Variants in GPC5 observed in about 807,000 individuals in gnomAD.
The protein encoded by GPC5 is glypican-5.
In GPC5, 47 loss-of-function variants were observed where a neutral mutation model predicts 53.9. The ratio of observed to expected loss-of-function variants is 0.87; its 90% CI spans 0.69 to 1.11. The LOEUF (loss-of-function observed/expected upper bound fraction) is 1.11. Among genes scored for constraint, GPC5 ranks in the 50% most tolerant of loss-of-function variants. The probability of loss-of-function intolerance (pLI) is 0.00; values close to 1 mark genes in which losing one functional copy is unlikely to be tolerated. For missense variants in GPC5, 748 were observed against 713.1 expected (o/e 1.05, Z -0.56); for synonymous variants, 286 against 263.3 (o/e 1.09, Z -0.84).
At chr13:92,733,036 T>C (rs1437787449) in intron 7 of GPC5, among the ~76,000 whole-genome samples, 1 of 151,720 alleles carries the variant, frequency 6.6e-6, no homozygotes, top group Admixed American at 6.6e-5. Context: ...TTGAACAAAA[T>C]GTTCTTACCA....
chr13:91,616,143 A>T (rs2139336670), intron 2 of GPC5, among the ~76,000 whole-genome samples: 1 of 152,254 alleles, frequency 6.6e-6, no homozygotes, highest in African/African-American at 2.4e-5. Context: ...GCCTAGGAAG[A>T]GAGTTTACGG....
intron 7 of GPC5, among the ~76,000 whole-genome samples, chr13:92,174,367 A>C (rs111722364): frequency 0.064 from 3,521 of 54,912 alleles, 117 homozygotes; most frequent in African/African-American, 0.19. Context: ...TAAAAACACA[A>C]AAAAAAAAAC....
At chr13:92,410,286 G>C (rs1202056649) in intron 7 of GPC5, among the ~76,000 whole-genome samples, 1 of 152,172 alleles carries the variant, frequency 6.6e-6, no homozygotes, top group African/African-American at 2.4e-5. Flanking sequence ...CAGGGGCACA[G>C]ATGACAGTTG....
intron 6 of GPC5, among the ~76,000 whole-genome samples, chr13:92,003,710 CTTCTT>C (rs2040578415): frequency 6.6e-6 from 1 of 152,102 alleles, no homozygotes; most frequent in Non-Finnish European, 1.5e-5. Context: ...ATCTAATTCC[CTTCTT>C]TTCTTGGTAA....
intron 2 of GPC5, among the ~76,000 whole-genome samples, chr13:91,640,798 G>GAA (rs528053266): frequency 7.6e-6 from 1 of 132,404 alleles, no homozygotes; most frequent in African/African-American, 2.8e-5. Flanking sequence ...GACTCCTCAG[G>GAA]AAAAAAAAAA....
chr13:91,686,432 T>C (rs1331258794), intron 2 of GPC5, among the ~76,000 whole-genome samples: 1 of 152,028 alleles, frequency 6.6e-6, no homozygotes, highest in Non-Finnish European at 1.5e-5. Context: ...GACTGATTTC[T>C]GCATAACATT....
chr13:91,440,049 A>G (rs1420622890), intron 1 of GPC5, among the ~76,000 whole-genome samples: 2 of 152,008 alleles, frequency 1.3e-5, no homozygotes, highest in African/African-American at 4.8e-5. Context: ...ATTTGACTAT[A>G]GTGTTCTTAG....
At chr13:91,871,147 G>A (rs2039139690) in intron 5 of GPC5, among the ~76,000 whole-genome samples, 1 of 152,182 alleles carries the variant, frequency 6.6e-6, no homozygotes, top group African/African-American at 2.4e-5. Flanking sequence ...TTGACAGCAT[G>A]TCAGTACTCA....
At chr13:91,893,415 G>A (rs1472014876) in intron 5 of GPC5, among the ~76,000 whole-genome samples, 1 of 151,946 alleles carries the variant, frequency 6.6e-6, no homozygotes, top group Non-Finnish European at 1.5e-5. Flanking sequence ...ATATGAGCAG[G>A]CATCTGTCTA....
chr13:92,678,493 A>T (rs1566359748), intron 7 of GPC5, among the ~76,000 whole-genome samples: 1 of 152,230 alleles, frequency 6.6e-6, no homozygotes, highest in African/African-American at 2.4e-5. Flanking sequence ...GATGTAAAAA[A>T]TAACACTGCT....
intron 7 of GPC5, among the ~76,000 whole-genome samples, chr13:92,251,511 G>T (rs1350489018): frequency 2.0e-5 from 3 of 152,022 alleles, no homozygotes; most frequent in Admixed American, 2.0e-4. Flanking sequence ...CCTGAGGTAG[G>T]GGAAAGAGTG....
In GPC5 at chr13:92,451,386, T is replaced by C. The variant is rs553079637; in HGVS notation, c.1561+306397T>C. 2.0e-4 allele frequency among the ~76,000 whole-genome samples: 31 copies of C among 151,924 alleles called. 1 individual carries two copies. Among genetic ancestry groups the C allele is most frequent in the Admixed American group, 8.5e-4 (13 of 15,256 alleles). ...AGGACATCTGTGTAGATTTCTAGCT[T>C]GTGGGGGAGACTTGACCTATTTCCT... On this transcript the variant is annotated intron_variant, in intron 7 of 7. Transcript: ENST00000377067.
At chr13:91,565,351 G>T (rs2031482035) in intron 2 of GPC5, among the ~76,000 whole-genome samples, 1 of 152,168 alleles carries the variant, frequency 6.6e-6, no homozygotes, top group East Asian at 1.9e-4. Context: ...ACAGTTGTTA[G>T]AAAAAATTTG....
intron 6 of GPC5, among the ~76,000 whole-genome samples, chr13:92,095,736 C>T (rs1434073009): frequency 2.6e-5 from 4 of 151,930 alleles, no homozygotes; most frequent in African/African-American, 7.3e-5. Context: ...GGTTTCACCA[C>T]GTTGGTCAGG....
chr13:92,284,438 A>T (rs994000162), intron 7 of GPC5, among the ~76,000 whole-genome samples: 1 of 152,220 alleles, frequency 6.6e-6, no homozygotes, highest in African/African-American at 2.4e-5. Context: ...GCATAACAAA[A>T]AAAAGAGAAT....
intron 7 of GPC5, among the ~76,000 whole-genome samples, chr13:92,749,034 T>C (rs1043494647): frequency 6.6e-6 from 1 of 152,208 alleles, no homozygotes; most frequent in African/African-American, 2.4e-5. Context: ...ACTTGAATCA[T>C]TGTTTGTAGG....
At chr13:92,077,312 T>C (rs187410871) in intron 6 of GPC5, among the ~76,000 whole-genome samples, 80 of 152,328 alleles carry the variant, frequency 5.3e-4, no homozygotes, top group African/African-American at 1.9e-3. Context: ...TGACTCTTCA[T>C]CAACACCTGT....
intron 7 of GPC5, among the ~76,000 whole-genome samples, chr13:92,779,262 C>A (rs1226724440): frequency 6.6e-6 from 1 of 152,030 alleles, no homozygotes; most frequent in African/African-American, 2.4e-5. Context: ...GCAGGAAAGA[C>A]CCACCCCCAT....
chr13:91,592,899 A>G (rs2032855100), intron 2 of GPC5, among the ~76,000 whole-genome samples: 2 of 152,192 alleles, frequency 1.3e-5, no homozygotes, highest in African/African-American at 4.8e-5. Context: ...ATGGGGAAGT[A>G]AGTCCTGGCA....
Sources: allele counts gnomAD v4.1 joint callset (sites outside exome capture counted in the v4.1 genomes callset), GRCh38; gene constraint gnomAD v4.1.1; transcripts MANE v1.5; gene names NCBI Gene and HGNC (gene_info 2026-07-23, HGNC 2026-07-21).